Variants in ST8SIA6 observed in about 807,000 individuals in gnomAD.
ST8SIA6 encodes the protein ST8 alpha-N-acetyl-neuraminide alpha-2,8-sialyltransferase 6, also known as alpha-2,8-sialyltransferase 8F.
ST8SIA6 carries 39 observed loss-of-function variants against 33.6 expected under a neutral mutation model. The ratio of observed to expected loss-of-function variants is 1.16; its 90% CI spans 0.90 to 1.52. The LOEUF (loss-of-function observed/expected upper bound fraction) is 1.52, where lower values mean the gene tolerates loss of function less well. Among genes scored for constraint, ST8SIA6 ranks in the 40% most tolerant of loss-of-function variants. The pLI is 0.00. For synonymous variants in ST8SIA6, 172 were observed against 167.2 expected, an observed-to-expected ratio of 1.03 and a Z score of -0.22; for missense variants, 441 against 443.8, an observed-to-expected ratio of 0.99 and a Z score of 0.06.
chr10:17,433,608 A>G (rs901873070), intron 2 of ST8SIA6, among the ~76,000 whole-genome samples: 1 of 152,170 alleles, frequency 6.6e-6, no homozygotes, highest in Non-Finnish European at 1.5e-5. Flanking sequence ...AAGGAGGGCC[A>G]GGGGCTGGGG....
intron 2 of ST8SIA6, among the ~76,000 whole-genome samples, chr10:17,433,933 A>T (rs1275233191): frequency 6.6e-6 from 1 of 152,016 alleles, no homozygotes; most frequent in Non-Finnish European, 1.5e-5. Context: ...TCACAAACCC[A>T]TCTTGTTCTT....
chr10:17,411,846 A>T (rs892642235), intron 2 of ST8SIA6, among the ~76,000 whole-genome samples: 2 of 152,140 alleles, frequency 1.3e-5, no homozygotes, highest in Non-Finnish European at 2.9e-5. Context: ...CATGGCAATG[A>T]GTTCTAATGA....
chr10:17,414,128 T>A (rs558552821), intron 2 of ST8SIA6, among the ~76,000 whole-genome samples: 1 of 151,418 alleles, frequency 6.6e-6, no homozygotes, highest in East Asian at 2.0e-4. Context: ...TTTTCTGTTG[T>A]CCTTGACTGG....
Position 17,436,266 on chromosome 10 carries a change from T to A in ST8SIA6, c.200+17293A>T, listed in dbSNP as rs371184675. On this transcript the variant is annotated intron_variant, in intron 2 of 7. Coordinates refer to ENST00000377602, the MANE Select transcript of ST8SIA6 (RefSeq NM_001004470.3). ...ACATCTCATCTTTAATTCCCACATGTTGTGGGAGGGTCCCTGGGGGGGAGG... is the reference window on the plus strand; with the variant it reads ...ACATCTCATCTTTAATTCCCACATGATGTGGGAGGGTCCCTGGGGGGGAGG... Among the ~76,000 whole-genome samples, 4 of 152,298 alleles carry A rather than the reference T, an allele frequency of 2.6e-5. No individual in the cohort carries two copies. In the East Asian group the frequency reaches 7.7e-4, roughly 29 times the overall value.
At chr10:17,362,162 TAAAGAAGA>T (rs1470361580) in intron 3 of ST8SIA6, among the ~76,000 whole-genome samples, 1 of 151,838 alleles carries the variant, frequency 6.6e-6, no homozygotes, top group Non-Finnish European at 1.5e-5. Context: ...ACCAATGCAA[TAAAGAAGA>T]AAAGGAAATA....
chr10:17,340,526 G>A (rs1848640536), intron 4 of ST8SIA6, among the ~76,000 whole-genome samples: 1 of 152,202 alleles, frequency 6.6e-6, no homozygotes, highest in Admixed American at 6.5e-5. Context: ...GCAGCAGTAG[G>A]AGCTTCCTGT....
At chr10:17,427,559 C>T (rs1851977961) in intron 2 of ST8SIA6, among the ~76,000 whole-genome samples, 1 of 152,240 alleles carries the variant, frequency 6.6e-6, no homozygotes, top group South Asian at 2.1e-4. Flanking sequence ...GCAGCTTTGT[C>T]TTTGCTGCCT....
intron 2 of ST8SIA6, among the ~76,000 whole-genome samples, chr10:17,407,576 T>C (rs189585485): frequency 6.6e-6 from 1 of 152,322 alleles, no homozygotes; most frequent in Admixed American, 6.5e-5. Flanking sequence ...GGAGGTAGAT[T>C]TGAGAGCTGT....
At chr10:17,426,041 T>C (rs1299280221) in intron 2 of ST8SIA6, among the ~76,000 whole-genome samples, 1 of 147,716 alleles carries the variant, frequency 6.8e-6, no homozygotes, top group Non-Finnish European at 1.5e-5. Context: ...TTCAGTTGCC[T>C]GCCACCCCAT....
chr10:17,429,363 G>A (rs1365432745), intron 2 of ST8SIA6, among the ~76,000 whole-genome samples: 4 of 149,942 alleles, frequency 2.7e-5, no homozygotes, highest in African/African-American at 7.4e-5. Flanking sequence ...CCAGGCTGGA[G>A]TGCAGTGGCA....
rs200363979 is a variant in ST8SIA6 at position 17,434,754 on chromosome 10, C to CACACAT, written c.200+18804_200+18805insATGTGT. ...GGGAGGACACACACACACACACACA[C>CACACAT]GGGAAAGGAAAACTGAGTTGGTTAA... On this transcript the variant is annotated intron_variant, in intron 2 of 7. Coordinates refer to ENST00000377602, the MANE Select transcript of ST8SIA6 (RefSeq NM_001004470.3). Among the ~76,000 whole-genome samples the CACACAT allele has an allele frequency of 9.2e-5, 14 of 151,932 alleles. No homozygotes were observed. In the South Asian group the frequency reaches 1.0e-3, roughly 11 times the overall value.
chr10:17,320,990 T>C lies in ST8SIA6; in HGVS notation c.1085A>G (p.Asn362Ser). 6.2e-7 allele frequency: 1 copy of C among 1,614,124 alleles called. No homozygotes were observed. The highest frequency in any genetic ancestry group is 8.5e-7 in the Non-Finnish European group (1 of 1,179,984). Residue 362 changes from asparagine (N) to serine (S), a missense_variant, in exon 8 of 8, where the codon AAC becomes AGC. Coordinates refer to ENST00000377602, the MANE Select transcript of ST8SIA6 (RefSeq NM_001004470.3). ...ATGGAAACCATGTTTAGGTAGCTTG[T>C]TGTCATAATAGTGATGGCTGACAGG... is the stretch of plus-strand genomic sequence containing the variant. ...DIPVSHHYYD[N>S]KLPKHGFHQM...
At chr10:17,396,322 G>A (rs1850804476) in intron 2 of ST8SIA6, among the ~76,000 whole-genome samples, 1 of 152,146 alleles carries the variant, frequency 6.6e-6, no homozygotes, top group Non-Finnish European at 1.5e-5. Context: ...AAATCATGCG[G>A]GTGGTTTGGT....
intron 2 of ST8SIA6, among the ~76,000 whole-genome samples, chr10:17,420,391 G>A (rs1398294156): frequency 1.3e-5 from 2 of 152,066 alleles, no homozygotes; most frequent in Admixed American, 6.6e-5. Flanking sequence ...CAGCCTGGGC[G>A]ACAGAGCGAG....
chr10:17,340,365 T>G (rs1359076146), intron 4 of ST8SIA6, among the ~76,000 whole-genome samples: 2 of 152,080 alleles, frequency 1.3e-5, no homozygotes, highest in Admixed American at 6.5e-5. Flanking sequence ...TGCTCTGACC[T>G]GTGTCACCTT....
At chr10:17,348,406 T>C (rs1848920019) in intron 4 of ST8SIA6, among the ~76,000 whole-genome samples, 1 of 152,214 alleles carries the variant, frequency 6.6e-6, no homozygotes, top group East Asian at 1.9e-4. Context: ...TATGCCACTG[T>C]CTTTTATAAA....
At chr10:17,375,997 T>C (rs1232944479) in intron 3 of ST8SIA6, among the ~76,000 whole-genome samples, 1 of 152,182 alleles carries the variant, frequency 6.6e-6, no homozygotes, top group East Asian at 1.9e-4. Flanking sequence ...GTGCTCCCTT[T>C]CTGTAGTACA....
intron 3 of ST8SIA6, among the ~76,000 whole-genome samples, chr10:17,364,830 T>A (rs940392054): frequency 8.5e-5 from 13 of 152,192 alleles, no homozygotes; most frequent in Non-Finnish European, 1.9e-4. Flanking sequence ...CATATATAAT[T>A]GATTTTCAGT....
intron 2 of ST8SIA6, among the ~76,000 whole-genome samples, chr10:17,419,396 G>A (rs1353392350): frequency 6.6e-6 from 1 of 152,068 alleles, no homozygotes; most frequent in Non-Finnish European, 1.5e-5. Flanking sequence ...GCTGGGCATG[G>A]CAGTGTGTGC....
Sources: allele counts gnomAD v4.1 joint callset (sites outside exome capture counted in the v4.1 genomes callset), GRCh38; gene constraint gnomAD v4.1.1; transcripts MANE v1.5; gene names NCBI Gene and HGNC (gene_info 2026-07-23, HGNC 2026-07-21).